The following SPTBN4 variants were observed in gnomAD, a reference collection of about 807,000 sequenced individuals.
SPTBN4 encodes spectrin beta, non-erythrocytic 4.
Under a neutral mutation model 277.8 loss-of-function variants are expected in SPTBN4, and 96 were observed. That is an observed-to-expected ratio of 0.35 (90% CI 0.29 to 0.41). The LOEUF (loss-of-function observed/expected upper bound fraction) is 0.41, where lower values mean the gene tolerates loss of function less well. Among genes scored for constraint, SPTBN4 ranks in the 10% least tolerant of loss-of-function variants. The probability of loss-of-function intolerance (pLI) is 1.00; values close to 1 mark genes in which losing one functional copy is unlikely to be tolerated. For synonymous variants in SPTBN4, 1,481 were observed against 1,580.3 expected (o/e 0.94, Z 1.49); for missense variants, 3,006 against 3,595.7 (o/e 0.84, Z 4.19).
At chr19:40,485,108 G>A (rs1056319043) in intron 2 of SPTBN4, among the ~76,000 whole-genome samples, 1 of 152,034 alleles carries the variant, frequency 6.6e-6, no homozygotes, top group East Asian at 1.9e-4. Flanking sequence ...CTCCCAAAGT[G>A]CTGGGATTAC....
In SPTBN4 at chr19:40,554,386, C is replaced by G; in HGVS notation, c.4914C>G (p.Gly1638=). ...TGGCTGAGGTGGAGGCGTGGCTGGG[C>G]GAGCAGGAGCTGCTCATGATGAGTG... ...FDVAEVEAWL[G]EQELLMMSED... is the part of the protein sequence containing the mutation. The change falls in exon 23 of 36, where the codon GGC becomes GGG. Residue 1638 remains glycine, a synonymous_variant. Transcript: ENST00000598249. This position sits in a 1 kb window ranked among gnomAD's most constrained non-coding sequence, Gnocchi z 5.7. 6.3e-7 allele frequency: 1 copy of G among 1,586,948 alleles called. No individual in the cohort carries two copies.
In SPTBN4 at chr19:40,472,798, G is replaced by A; in HGVS notation, c.169+8G>A. On this transcript the variant is annotated splice_region_variant and intron_variant, in intron 2 of 35. Coordinates refer to ENST00000598249, the MANE Select transcript of SPTBN4 (RefSeq NM_020971.3). ...GGATCAAGGCCTTGGCAGGTACCTG[G>A]AGGAGGGCTGGGGTGGGATGAGGAG... is the stretch of plus-strand genomic sequence containing the variant. 1 of 1,549,102 alleles carries A rather than the reference G, an allele frequency of 6.5e-7. No individual in the cohort carries two copies. Among genetic ancestry groups the A allele is most frequent in the South Asian group, 1.2e-5 (1 of 85,176 alleles).
At position 40,503,650 on chromosome 19, in the gene SPTBN4, G is replaced by A. The variant is rs144688488; in HGVS notation, c.1363-180G>A. Among the ~76,000 whole-genome samples the A allele has an allele frequency of 3.1e-3, 465 of 152,098 alleles. 3 individuals carry two copies. The highest frequency in any genetic ancestry group is 8.8e-3 in the Admixed American group (134 of 15,288). ...GGTCTCCAAGGTAACAATGGAGGGT[G>A]GGGCTGGTCTCCAGGTTACCTGGGT... is the stretch of plus-strand genomic sequence containing the variant. On this transcript the variant is annotated intron_variant, in intron 11 of 35. Coordinates refer to ENST00000598249, the MANE Select transcript of SPTBN4 (RefSeq NM_020971.3).
At chr19:40,487,490 C>T (rs541820001) in intron 2 of SPTBN4, among the ~76,000 whole-genome samples, 20 of 151,688 alleles carry the variant, frequency 1.3e-4, no homozygotes, top group African/African-American at 4.6e-4. Flanking sequence ...GGATTATGGG[C>T]GCCCGCCACC....
chr19:40,570,878 T>C (rs1176874817), intron 33 of SPTBN4, 150 bp downstream of exon 33: 3 of 775,588 alleles, frequency 3.9e-6, no homozygotes, highest in Admixed American at 4.6e-5. Context: ...GGGGTGGTGG[T>C]GGCTTAAATC....
intron 6 of SPTBN4, among the ~76,000 whole-genome samples, chr19:40,496,763 A>G (rs2080201618): frequency 6.6e-6 from 1 of 152,090 alleles, no homozygotes; most frequent in Non-Finnish European, 1.5e-5. Flanking sequence ...CAAAGTAAGC[A>G]TATGTGTGTC....
At chr19:40,552,207 G>C (rs1332482984) in intron 22 of SPTBN4, among the ~76,000 whole-genome samples, 1 of 152,056 alleles carries the variant, frequency 6.6e-6, no homozygotes, top group Non-Finnish European at 1.5e-5. Flanking sequence ...TGTAATCCCA[G>C]CACTTTGGGA....
chr19:40,526,579 CTTTCT>C (rs746604740), intron 17 of SPTBN4, among the ~76,000 whole-genome samples: 1 of 151,104 alleles, frequency 6.6e-6, no homozygotes, highest in Admixed American at 6.6e-5. Context: ...AACCCTGTTG[CTTTCT>C]TTTCTTTTCT....
intron 17 of SPTBN4, chr19:40,524,548 C>T (rs1167732340): frequency 2.2e-6 from 1 of 455,360 alleles, no homozygotes; most frequent in African/African-American, 2.0e-5. Flanking sequence ...CCCTAGATGC[C>T]TCATTATCCA....
chr19:40,553,290 A>G (rs918674440), intron 22 of SPTBN4, among the ~76,000 whole-genome samples: 7 of 152,144 alleles, frequency 4.6e-5, no homozygotes, highest in African/African-American at 1.7e-4. Context: ...GACCAGCCTG[A>G]GTAACATAGC....
Position 40,576,267 on chromosome 19 carries a change from C to T in SPTBN4, c.*698C>T, listed in dbSNP as rs182395110. ...CTCCTCCCCCCTCCAGTTGTAAATG[C>T]CACTTCATGAGGGGAGGGGCGAGGG... is the stretch of plus-strand genomic sequence containing the variant. On this transcript the variant is annotated 3_prime_UTR_variant, in exon 36 of 36. Transcript: ENST00000598249. 111 of 152,794 alleles carry T rather than the reference C, an allele frequency of 7.3e-4. No individual in the cohort carries two copies. Among genetic ancestry groups the T allele is most frequent in the African/African-American group, 4.8e-4 (20 of 41,576 alleles). The allele number at this position is 152,794 out of a possible 1,614,324, so 9.5% of individuals were successfully genotyped here.
chr19:40,482,955 C>T (rs2080029088), intron 2 of SPTBN4, among the ~76,000 whole-genome samples: 1 of 151,468 alleles, frequency 6.6e-6, no homozygotes, highest in Non-Finnish European at 1.5e-5. Flanking sequence ...AGGGAGACTC[C>T]ATTTCAAAAA....
At position 40,567,965 on chromosome 19, in the gene SPTBN4, C is replaced by CGCGGCGGAGACCCCCGCGACCCCCGCG. The variant is rs1599821628; in HGVS notation, c.6649_6675dup (p.Thr2217_Glu2225dup). On this transcript the variant is annotated inframe_insertion, in exon 31 of 36. Transcript: ENST00000598249. ...CGGCCCTGCCGGCCGCACCAGAGGA[C>CGCGGCGGAGACCCCCGCGACCCCCGCG]GCGGCGGAGACCCCCGCGACCCCCG... 2.0e-6 allele frequency: 3 copies of CGCGGCGGAGACCCCCGCGACCCCCGCG among 1,502,012 alleles called. No homozygotes were observed. Among genetic ancestry groups the CGCGGCGGAGACCCCCGCGACCCCCGCG allele is most frequent in the East Asian group, 5.4e-5 (2 of 37,096 alleles). 93.0% of individuals were successfully genotyped at this position (1,502,012 alleles called of 1,614,324 possible). A position where few individuals can be genotyped will look rare whatever the true frequency, so the allele number is the denominator to read the frequency against.
intron 2 of SPTBN4, among the ~76,000 whole-genome samples, chr19:40,474,593 CTAAT>C (rs1483610389): frequency 1.3e-4 from 20 of 151,730 alleles, no homozygotes; most frequent in African/African-American, 1.9e-4. Context: ...CCATGCCTGG[CTAAT>C]TAAAAATAAT....
chr19:40,534,514 T>G, intron 20 of SPTBN4, 171 bp downstream of exon 20: 1 of 873,286 alleles, frequency 1.1e-6, no homozygotes, highest in Non-Finnish European at 1.7e-6. Flanking sequence ...TAATAACTGT[T>G]GGAAGCAGCC....
At chr19:40,553,852 C>T (rs936997039) in intron 22 of SPTBN4, among the ~76,000 whole-genome samples, 1 of 152,164 alleles carries the variant, frequency 6.6e-6, no homozygotes, top group Non-Finnish European at 1.5e-5. Flanking sequence ...TGGCTCAGAG[C>T]ACAGTCTCTG....
At chr19:40,494,870 C>A in intron 5 of SPTBN4, 27 bp from the exon 6 acceptor site, 1 of 1,609,232 alleles carries the variant, frequency 6.2e-7, no homozygotes, top group Non-Finnish European at 8.5e-7. Context: ...CCCATCTCTG[C>A]CTCTGTTTCT....
rs1173321258 is a variant in SPTBN4, at chr19:40,554,216, G to T, written c.4744G>T (p.Ala1582Ser). Residue 1582 changes from alanine (A) to serine (S), a missense_variant, in exon 23 of 36, where the codon GCG (alanine) becomes TCG (serine). Coordinates refer to ENST00000598249, the MANE Select transcript of SPTBN4 (RefSeq NM_020971.3). This position sits in a 1 kb window ranked among gnomAD's most constrained non-coding sequence, Gnocchi z 5.7. ...GGTGCTGGAGCGCGCGGGCGCGCTG[G>T]CGTCGCTGCGCAGCCCGGAGGCAGA... is the stretch of plus-strand genomic sequence containing the variant. ...EEVLERAGALASLRSPEAEAV... is the reference protein window; with the variant it reads ...EEVLERAGALSSLRSPEAEAV... 10 of 1,489,624 alleles carry T rather than the reference G, an allele frequency of 6.7e-6. No individual in the cohort carries two copies. The highest frequency in any genetic ancestry group is 8.8e-6 in the Non-Finnish European group (10 of 1,131,580). The allele number at this position is 1,489,624 out of a possible 1,614,324, so 92.3% of individuals were successfully genotyped here.
intron 2 of SPTBN4, among the ~76,000 whole-genome samples, chr19:40,477,846 CT>C (rs1568756695): frequency 6.6e-6 from 1 of 150,966 alleles, no homozygotes; most frequent in African/African-American, 2.4e-5. Flanking sequence ...AAGCCAGATC[CT>C]TTTTTTTTGA....
Sources: gnomAD v4.1 joint callset for allele counts (sites outside exome capture counted in the v4.1 genomes callset) on GRCh38, gnomAD v4.1.1 for gene constraint, Gnocchi (gnomAD v3.1) non-coding constraint, MANE v1.5 for transcripts, NCBI Gene and HGNC (gene_info 2026-07-23, HGNC 2026-07-21) for gene names.